DEUP1: variants seen among roughly 807,000 people sequenced by gnomAD.
DEUP1 encodes deuterosome assembly protein 1, also known as coiled-coil domain containing 67.
Under a neutral mutation model 87.4 loss-of-function variants are expected in DEUP1, and 82 were observed. That is an observed-to-expected ratio of 0.94 (90% CI 0.78 to 1.13). The LOEUF (loss-of-function observed/expected upper bound fraction) is 1.13, where lower values mean the gene tolerates loss of function less well. DEUP1 is among the 50% of genes most tolerant of loss of function. The probability of loss-of-function intolerance (pLI) is 0.00; values close to 1 mark genes in which losing one functional copy is unlikely to be tolerated. For synonymous variants in DEUP1, 214 were observed against 222.7 expected (o/e 0.96, Z 0.35); for missense variants, 663 against 681.5 (o/e 0.97, Z 0.30).
intron 7 of DEUP1, among the ~76,000 whole-genome samples, chr11:93,373,805 T>A (rs1213479196): frequency 6.6e-6 from 1 of 151,982 alleles, no homozygotes. Flanking sequence ...GGTAAATACC[T>A]AGTAGTTAGA....
At chr11:93,419,948 G>A (rs1368588944) in intron 13 of DEUP1, among the ~76,000 whole-genome samples, 2 of 151,890 alleles carry the variant, frequency 1.3e-5, no homozygotes, top group African/African-American at 4.8e-5. Context: ...AAAAGGTCCA[G>A]GACCAGATGG....
chr11:93,370,163 T>C lies in DEUP1; in HGVS notation c.523T>C (p.Ser175Pro), dbSNP rs567563769. ...ISLDAQQKLL[S>P]EKCNQFQKQA... ...TTTAGATGCTCAACAAAAATTATTATCTGAGAAGTGTAATCAGTTTCAGGT... is the reference window on the plus strand; with the variant it reads ...TTTAGATGCTCAACAAAAATTATTACCTGAGAAGTGTAATCAGTTTCAGGT... The change falls in exon 6 of 14, where the codon TCT (serine) becomes CCT (proline). Residue 175 changes from serine (S) to proline (P), a missense_variant. Physicochemically the swap from Ser to Pro is moderately conservative, Grantham distance 74. Coordinates refer to ENST00000298050, the MANE Select transcript of DEUP1 (RefSeq NM_181645.4). 13 of 1,576,132 alleles carry C rather than the reference T, an allele frequency of 8.2e-6. No homozygotes were observed. The East Asian group carries it at 2.0e-4, about 25-fold the overall frequency.
At chr11:93,354,395 T>C (rs1321542566) in intron 2 of DEUP1, among the ~76,000 whole-genome samples, 1 of 152,186 alleles carries the variant, frequency 6.6e-6, no homozygotes, top group Non-Finnish European at 1.5e-5. Flanking sequence ...TTTTCTCTCT[T>C]CTTCTGAACC....
intron 10 of DEUP1, among the ~76,000 whole-genome samples, chr11:93,394,998 T>A (rs554160794): frequency 1.0e-3 from 159 of 152,238 alleles, no homozygotes; most frequent in African/African-American, 3.6e-3. Flanking sequence ...CATTTTTATC[T>A]TTAAAAAAAA....
intron 2 of DEUP1, among the ~76,000 whole-genome samples, chr11:93,341,667 G>T (rs1219616016): frequency 6.6e-6 from 1 of 152,118 alleles, no homozygotes; most frequent in Non-Finnish European, 1.5e-5. Context: ...GTCTGCAGTT[G>T]CGTATGACTG....
chr11:93,390,024 A>C (rs915008437), intron 9 of DEUP1, among the ~76,000 whole-genome samples: 1 of 152,196 alleles, frequency 6.6e-6, no homozygotes, highest in Non-Finnish European at 1.5e-5. Flanking sequence ...TCCCTCTAGT[A>C]CAATCCAGTA....
chr11:93,396,286 A>G lies in DEUP1; in HGVS notation c.1287A>G (p.Leu429=). The change falls in exon 11 of 14, where the codon CTA becomes CTG. Residue 429 remains leucine, a synonymous_variant. Transcript: ENST00000298050. The part of the protein sequence containing the change: ...YKAVRTENTH[L]KGMMGDLDPG... ...CTGTCAGAACTGAAAACACACATCT[A>G]AAAGGAATGATGGGAGATTTAGACC... 2.5e-6 allele frequency: 4 copies of G among 1,586,252 alleles called. No individual in the cohort carries two copies. Among genetic ancestry groups the G allele is most frequent in the Non-Finnish European group, 3.4e-6 (4 of 1,165,504 alleles).
intron 2 of DEUP1, among the ~76,000 whole-genome samples, chr11:93,338,940 C>T: frequency 6.6e-6 from 1 of 152,052 alleles, no homozygotes; most frequent in East Asian, 1.9e-4. Flanking sequence ...GAGGACTTGC[C>T]TTTTTAATTG....
chr11:93,367,991 GA>G (rs1265598735), intron 5 of DEUP1, among the ~76,000 whole-genome samples: 1 of 152,214 alleles, frequency 6.6e-6, no homozygotes, highest in African/African-American at 2.4e-5. Context: ...AGAAAGATAG[GA>G]TATAAATGGT....
intron 11 of DEUP1, among the ~76,000 whole-genome samples, chr11:93,402,307 A>T (rs1487963331): frequency 6.6e-6 from 1 of 152,082 alleles, no homozygotes; most frequent in Non-Finnish European, 1.5e-5. Flanking sequence ...GCAATCAGAT[A>T]TCATCACATT....
chr11:93,384,234 C>G (rs1946432940), intron 7 of DEUP1, among the ~76,000 whole-genome samples: 1 of 152,180 alleles, frequency 6.6e-6, no homozygotes, highest in African/African-American at 2.4e-5. Context: ...CTCTTCACCA[C>G]TCTCAAAAAT....
At chr11:93,394,353 C>T (rs1274216388) in intron 9 of DEUP1, 106 bp from the exon 10 acceptor site, 8 of 707,320 alleles carry the variant, frequency 1.1e-5, no homozygotes, top group Non-Finnish European at 1.8e-5. Flanking sequence ...GTGAAGTGGG[C>T]CCTGACAAAG....
intron 7 of DEUP1, among the ~76,000 whole-genome samples, chr11:93,379,569 G>C (rs1946201486): frequency 6.6e-6 from 1 of 152,160 alleles, no homozygotes; most frequent in African/African-American, 2.4e-5. Flanking sequence ...GAGAGTGCAT[G>C]CAACTTGGGA....
intron 7 of DEUP1, among the ~76,000 whole-genome samples, chr11:93,380,353 T>C (rs532001468): frequency 6.6e-6 from 1 of 152,084 alleles, no homozygotes; most frequent in Non-Finnish European, 1.5e-5. Context: ...GGATAGAACT[T>C]GATTGAGAAA....
At chr11:93,348,503 G>A (rs1944470885) in intron 2 of DEUP1, among the ~76,000 whole-genome samples, 1 of 152,164 alleles carries the variant, frequency 6.6e-6, no homozygotes, top group South Asian at 2.1e-4. Context: ...CACTGCCTTA[G>A]CTGTGTCCCA....
intron 1 of DEUP1, 113 bp from the exon 2 acceptor site, chr11:93,332,103 T>C: frequency 1.7e-6 from 1 of 586,116 alleles, no homozygotes; most frequent in Non-Finnish European, 3.0e-6. Flanking sequence ...GATCAAGAGC[T>C]ACTACACAGA....
chr11:93,402,996 A>G (rs1947168413), intron 11 of DEUP1, among the ~76,000 whole-genome samples: 1 of 152,002 alleles, frequency 6.6e-6, no homozygotes, highest in Non-Finnish European at 1.5e-5. Context: ...AAAATAGCCA[A>G]AAGAGAATAA....
chr11:93,410,536 T>C (rs1347500011), intron 12 of DEUP1, among the ~76,000 whole-genome samples: 1 of 152,320 alleles, frequency 6.6e-6, no homozygotes, highest in African/African-American at 2.4e-5. Flanking sequence ...AGTTGCCTCA[T>C]TGCGAGAGAA....
chr11:93,437,446 T>C (rs949266002), intron 13 of DEUP1, 97 bp from the exon 14 acceptor site: 2 of 838,598 alleles, frequency 2.4e-6, no homozygotes, highest in African/African-American at 3.4e-5. Context: ...AGAGCTGCGG[T>C]GTTTGACAGT....
Sources: allele counts gnomAD v4.1 joint callset (sites outside exome capture counted in the v4.1 genomes callset), GRCh38; gene constraint gnomAD v4.1.1; transcripts MANE v1.5; gene names NCBI Gene and HGNC (gene_info 2026-07-23, HGNC 2026-07-21).